The following LHX3 variants were observed in gnomAD, a reference collection of about 807,000 sequenced individuals.
LHX3 encodes the protein LIM/homeobox protein Lhx3.
In LHX3, 21 loss-of-function variants were observed where a neutral mutation model predicts 32.4. The observed-to-expected ratio is 0.65, with a 90% CI of 0.46 to 0.93. The LOEUF is 0.93. LHX3 is among the 40% of genes least tolerant of loss of function. The pLI is 0.00. For missense variants in LHX3, 626 were observed against 560.0 expected (o/e 1.12, Z -1.19); for synonymous variants, 258 against 246.8 (o/e 1.05, Z -0.43).
chr9:136,201,552 C>T (rs1831639796), intron 1 of LHX3: 6 of 1,095,652 alleles, frequency 5.5e-6, no homozygotes, highest in Non-Finnish European at 5.5e-6. Context: ...GCTGAGGACT[C>T]CCTCTTCACT....
chr9:136,197,385 G>A lies in LHX3; in HGVS notation c.1134C>T (p.Tyr378=). Reference sequence around the variant, plus strand: ...AGGCGGGGCTGGCAGGGAAGTCGGGGTAACCCCCGCTGCTCCCCGTGGATA... The same window carrying A: ...AGGCGGGGCTGGCAGGGAAGTCGGGATAACCCCCGCTGCTCCCCGTGGATA... ...SDLSTGSSGG[Y]PDFPASPASW... is the part of the protein sequence containing the mutation. The change falls in exon 6 of 6, where the codon TAC becomes TAT. Residue 378 remains tyrosine (Y), a synonymous_variant. Transcript: ENST00000371748. 6.2e-7 allele frequency: 1 copy of A among 1,611,638 alleles called. No homozygotes were observed. Among genetic ancestry groups the A allele is most frequent in the Non-Finnish European group, 8.5e-7 (1 of 1,179,728 alleles).
intron 1 of LHX3, among the ~76,000 whole-genome samples, chr9:136,203,333 C>T (rs1450110427): frequency 2.6e-5 from 4 of 151,910 alleles, no homozygotes; most frequent in Admixed American, 6.5e-5. Flanking sequence ...CCCGCGTGCC[C>T]GGCCCGAGGG....
At position 136,197,663 on chromosome 9, in the gene LHX3, GCCGGCCCAAGGCCTGGGTGGGTTCCC is replaced by G; in HGVS notation, c.830_855del (p.Gly277AlafsTer84). On this transcript the variant is annotated frameshift_variant, in exon 6 of 6. Transcript: ENST00000371748. LOFTEE classifies it low-confidence loss of function (END_TRUNC). Reference sequence around the variant, plus strand: ...GAGAAGTTGCCCAGGGCTCCCGAGGGCCGGCCCAAGGCCTGGGTGGGTTCCCCCAAGCTCCCGTAGAGGCCATTGGC... The same window carrying G: ...GAGAAGTTGCCCAGGGCTCCCGAGGGCCAAGCTCCCGTAGAGGCCATTGGC... The G allele has an allele frequency of 6.2e-7, 1 of 1,602,234 alleles. No homozygotes were observed. The highest frequency in any genetic ancestry group is 8.5e-7 in the Non-Finnish European group (1 of 1,176,860).
In LHX3 at chr9:136,201,143, G is replaced by A. The variant is rs1410235218; in HGVS notation, c.80-390C>T. 25 of 1,389,136 alleles carry A rather than the reference G, an allele frequency of 1.8e-5. No individual in the cohort carries two copies. In the East Asian group the frequency reaches 6.0e-4, roughly 33 times the overall value. 86.1% of individuals were successfully genotyped at this position (1,389,136 alleles called of 1,614,324 possible). On this transcript the variant is annotated intron_variant, in intron 1 of 5. Transcript: ENST00000371748. The stretch of plus-strand genomic sequence containing the variant: ...CTCTGAAGCCCGGCAGGAAACATAG[G>A]GAAACGGGTCTTCACCATCACCTGG...
intron 1 of LHX3, chr9:136,202,903 T>C (rs1189635769): frequency 2.0e-6 from 3 of 1,526,862 alleles, no homozygotes; most frequent in Non-Finnish European, 8.8e-7. Flanking sequence ...GGCCTGAGGA[T>C]CTCCTGGTCT....
chr9:136,203,239 G>C (rs1831689551), intron 1 of LHX3: 2 of 616,104 alleles, frequency 3.2e-6, no homozygotes, highest in African/African-American at 4.0e-5. Context: ...GGGGCGGGGC[G>C]GGGCCGGGGG....
Position 136,204,949 on chromosome 9 carries a change from A to C in LHX3, c.64T>G (p.Leu22Val), listed in dbSNP as rs1224504530. 6.2e-7 allele frequency: 1 copy of C among 1,602,474 alleles called. No individual in the cohort carries two copies. Among genetic ancestry groups the C allele is most frequent in the South Asian group, 1.1e-5 (1 of 89,662 alleles). Reference protein sequence around the residue: ...ARPGAAAVCTLGGTREIPLCA... With the variant: ...ARPGAAAVCTVGGTREIPLCA... ...TGGGGCTTACCCCGAGTCCCGCCCAAGGTGCAGACGGCGGCGGCCCCGGGC... is the reference window on the plus strand; with the variant it reads ...TGGGGCTTACCCCGAGTCCCGCCCACGGTGCAGACGGCGGCGGCCCCGGGC... Residue 22 changes from leucine (L) to valine (V), a missense_variant, in exon 1 of 6, where the codon TTG becomes GTG. Physicochemically the swap from Leu to Val is conservative, Grantham distance 32. Transcript: ENST00000371748.
At chr9:136,200,284 C>A (rs1182621305) in intron 2 of LHX3, 6 of 549,226 alleles carry the variant, frequency 1.1e-5, no homozygotes, top group Middle Eastern at 4.5e-4. Flanking sequence ...TAGAATCCTA[C>A]AAATAGGGGT....
chr9:136,201,447 G>A (rs1433452066), intron 1 of LHX3: 5 of 1,221,724 alleles, frequency 4.1e-6, no homozygotes, highest in Non-Finnish European at 5.1e-6. Flanking sequence ...ACCCCACTTC[G>A]GTACTGCAGG....
intron 2 of LHX3, 59 bp from the exon 3 acceptor site, chr9:136,199,939 C>A (rs770331505): frequency 3.3e-6 from 5 of 1,520,058 alleles, no homozygotes; most frequent in Non-Finnish European, 4.4e-6. Context: ...TCGCCCCGAG[C>A]GGGTTGGAGA....
At chr9:136,199,347 C>G (rs1006901054) in intron 3 of LHX3, among the ~76,000 whole-genome samples, 1 of 152,238 alleles carries the variant, frequency 6.6e-6, no homozygotes. Context: ...AGCCTTGGCT[C>G]CCTTCTCCAA....
chr9:136,201,490 G>C (rs1167526788), intron 1 of LHX3: 1 of 1,197,874 alleles, frequency 8.3e-7, no homozygotes, highest in South Asian at 4.3e-5. Context: ...GGAGGTCCAA[G>C]GGTGCCCTGT....
chr9:136,200,085 G>A (rs1381101562), intron 2 of LHX3: 1 of 686,870 alleles, frequency 1.5e-6, no homozygotes, highest in Admixed American at 2.2e-5. Flanking sequence ...GAAAGACCTC[G>A]GGGAGCCCAG....
At chr9:136,203,620 C>G (rs758044570) in intron 1 of LHX3, among the ~76,000 whole-genome samples, 1 of 152,210 alleles carries the variant, frequency 6.6e-6, no homozygotes, top group Non-Finnish European at 1.5e-5. Flanking sequence ...CGCAAGGTGC[C>G]GGACCGATCC....
Position 136,198,808 on chromosome 9 carries a change from T to G in LHX3, c.619A>C (p.Asn207His). The G allele has an allele frequency of 6.2e-7, 1 of 1,608,054 alleles. No homozygotes were observed. The highest frequency in any genetic ancestry group is 8.5e-7 in the Non-Finnish European group (1 of 1,178,486). ...DMRVVQVWFQ[N>H]RRAKEKRLKK... ...AGCCTCTTCTCCTTGGCCCGGCGGT[T>G]CTGGAACCAAACCTGGGGGCGGGGC... The change falls in exon 5 of 6, where the codon AAC becomes CAC. Residue 207 changes from asparagine to histidine, a missense_variant. By Grantham distance (68) the Asn-to-His change is moderately conservative. Coordinates refer to ENST00000371748, the MANE Select transcript of LHX3 (RefSeq NM_178138.6).
chr9:136,196,982 T>G lies in LHX3; in HGVS notation c.*343A>C, dbSNP rs1831505329. 2.6e-6 allele frequency: 1 copy of G among 382,416 alleles called. No individual in the cohort carries two copies. Among genetic ancestry groups the G allele is most frequent in the Non-Finnish European group, 4.8e-6 (1 of 209,826 alleles). 23.7% of individuals were successfully genotyped at this position (382,416 alleles called of 1,614,324 possible). A position where few individuals can be genotyped will look rare whatever the true frequency, so the allele number is the denominator to read the frequency against. ...AGAGATGAAAGCGTTTTTCCAGCCC[T>G]CGGGCTATGCTGGGCTGGGCTGGGC... is the stretch of plus-strand genomic sequence containing the variant. On this transcript the variant is annotated 3_prime_UTR_variant, in exon 6 of 6. Coordinates refer to ENST00000371748, the MANE Select transcript of LHX3 (RefSeq NM_178138.6).
rs1483167722 is a variant in LHX3, at chr9:136,196,572, A to G, written c.*753T>C. 3.3e-5 allele frequency: 5 copies of G among 152,856 alleles called. No homozygotes were observed. Among genetic ancestry groups the G allele is most frequent in the African/African-American group, 1.2e-4 (5 of 41,478 alleles). 9.5% of individuals were successfully genotyped at this position (152,856 alleles called of 1,614,324 possible). Reference sequence around the variant, plus strand: ...GAGGGCAGGCTGTTTGGCAACAGACATCTGTGGGTGCAGCCTGGACACCAA... The same window carrying G: ...GAGGGCAGGCTGTTTGGCAACAGACGTCTGTGGGTGCAGCCTGGACACCAA... On this transcript the variant is annotated 3_prime_UTR_variant, in exon 6 of 6. Transcript: ENST00000371748.
chr9:136,199,933 C>G, intron 2 of LHX3, 53 bp from the exon 3 acceptor site: 1 of 1,530,806 alleles, frequency 6.5e-7, no homozygotes. Context: ...CTCATTTCGC[C>G]CCGAGCGGGT....
At position 136,196,490 on chromosome 9, in the gene LHX3, C is replaced by T. The variant is rs1170165431; in HGVS notation, c.*835G>A. The stretch of plus-strand genomic sequence containing the variant: ...GCAGGGCAGGCTCAGAGGAGCCCCA[C>T]CCTTCTCCAGCGGGGAGACTTCCCA... On this transcript the variant is annotated 3_prime_UTR_variant, in exon 6 of 6. Transcript: ENST00000371748. 1 of 152,670 alleles carries T rather than the reference C, an allele frequency of 6.6e-6. No homozygotes were observed. Among genetic ancestry groups the T allele is most frequent in the African/African-American group, 2.4e-5 (1 of 41,472 alleles). 9.5% of individuals were successfully genotyped at this position (152,670 alleles called of 1,614,324 possible).
Sources: gnomAD v4.1 joint callset for allele counts (sites outside exome capture counted in the v4.1 genomes callset) on GRCh38, gnomAD v4.1.1 for gene constraint, MANE v1.5 for transcripts, NCBI Gene and HGNC (gene_info 2026-07-23, HGNC 2026-07-21) for gene names.